SLC38A6: variants seen among roughly 807,000 people sequenced by gnomAD.
The protein encoded by SLC38A6 is N system amino acid transporter NAT-1.
Under a neutral mutation model 65.0 loss-of-function variants are expected in SLC38A6, and 73 were observed. That is an observed-to-expected ratio of 1.12 (90% CI 0.93 to 1.37). SLC38A6 has a LOEUF of 1.37. Among genes scored for constraint, SLC38A6 ranks in the 40% most tolerant of loss-of-function variants. The probability of loss-of-function intolerance (pLI) is 0.00; values close to 1 mark genes in which losing one functional copy is unlikely to be tolerated. For missense variants in SLC38A6, 561 were observed against 531.1 expected, an observed-to-expected ratio of 1.06 and a Z score of -0.55; for synonymous variants, 183 against 178.8, an observed-to-expected ratio of 1.02 and a Z score of -0.19.
chr14:61,083,474 T>C, intron 16 of SLC38A6: 2 of 1,490,116 alleles, frequency 1.3e-6, no homozygotes. Flanking sequence ...TATTTGGAGA[T>C]AGGGTCTTTA....
chr14:61,002,760 A>G (rs891681299), intron 3 of SLC38A6, among the ~76,000 whole-genome samples: 1 of 152,202 alleles, frequency 6.6e-6, no homozygotes, highest in Non-Finnish European at 1.5e-5. Flanking sequence ...CACAAAACGT[A>G]GCATTGATTT....
In SLC38A6 at chr14:60,995,743, C is replaced by A. The variant is rs80171803; in HGVS notation, c.310+10940C>A. 7.1e-3 allele frequency among the ~76,000 whole-genome samples: 1,077 copies of A among 152,186 alleles called. 12 individuals are homozygous for A. The highest frequency in any genetic ancestry group is 0.025 in the African/African-American group (1,027 of 41,494). On this transcript the variant is annotated intron_variant, in intron 3 of 15. Coordinates refer to ENST00000267488, the MANE Select transcript of SLC38A6 (RefSeq NM_153811.3). ...GTGTATATCAAAACATCATGTTGTACACCTTAAATGTATATAATAAAACAA... is the reference window on the plus strand; with the variant it reads ...GTGTATATCAAAACATCATGTTGTAAACCTTAAATGTATATAATAAAACAA...
intron 6 of SLC38A6, among the ~76,000 whole-genome samples, chr14:61,035,885 A>C (rs1226186570): frequency 2.6e-4 from 39 of 152,130 alleles, no homozygotes; most frequent in Non-Finnish European, 8.8e-5. Context: ...AAAAATATCT[A>C]CTTTTTGGTA....
intron 15 of SLC38A6, among the ~76,000 whole-genome samples, chr14:61,060,896 C>T (rs992349663): frequency 3.5e-5 from 5 of 142,048 alleles, no homozygotes; most frequent in East Asian, 2.1e-4. Context: ...CAGGTGCGTC[C>T]GTCACCCCTT....
chr14:61,010,191 T>G (rs2039448545), intron 3 of SLC38A6, among the ~76,000 whole-genome samples: 1 of 152,206 alleles, frequency 6.6e-6, no homozygotes, highest in Non-Finnish European at 1.5e-5. Context: ...TTTTGAGAAG[T>G]GTCTGTTCAT....
intron 11 of SLC38A6, 39 bp downstream of exon 11, chr14:61,045,464 A>G (rs772783814): frequency 6.8e-7 from 1 of 1,462,894 alleles, no homozygotes; most frequent in Non-Finnish European, 9.5e-7. Context: ...TATATTGTGT[A>G]TCTTTTTACC....
chr14:61,001,021 G>A (rs2038674118), intron 3 of SLC38A6, among the ~76,000 whole-genome samples: 1 of 152,192 alleles, frequency 6.6e-6, no homozygotes, highest in African/African-American at 2.4e-5. Flanking sequence ...GTTAAACTAA[G>A]TGGGCTGATC....
intron 3 of SLC38A6, among the ~76,000 whole-genome samples, chr14:61,007,074 C>CA (rs1157093680): frequency 6.6e-6 from 1 of 151,954 alleles, no homozygotes; most frequent in Non-Finnish European, 1.5e-5. Flanking sequence ...ATCCCAAGGA[C>CA]AAAAAACCAA....
chr14:61,080,435 CCTT>C (rs1380470069), intron 16 of SLC38A6, among the ~76,000 whole-genome samples: 8 of 152,188 alleles, frequency 5.3e-5, no homozygotes, highest in Non-Finnish European at 8.8e-5. Context: ...CTGACTCTCT[CCTT>C]TGGAAATTGT....
At chr14:61,018,424 C>T (rs1439609804) in intron 4 of SLC38A6, among the ~76,000 whole-genome samples, 1 of 152,198 alleles carries the variant, frequency 6.6e-6, no homozygotes, top group Non-Finnish European at 1.5e-5. Flanking sequence ...ATTAGCCCTC[C>T]TCTGCAAACC....
intron 3 of SLC38A6, among the ~76,000 whole-genome samples, chr14:61,014,437 T>C (rs2039836774): frequency 6.6e-6 from 1 of 152,232 alleles, no homozygotes; most frequent in Non-Finnish European, 1.5e-5. Context: ...GGAGCTGCTT[T>C]CCTTTGGAGG....
At chr14:60,986,072 A>G (rs982440488) in intron 3 of SLC38A6, among the ~76,000 whole-genome samples, 3 of 152,362 alleles carry the variant, frequency 2.0e-5, no homozygotes, top group Admixed American at 1.3e-4. Context: ...TCTGATTTCA[A>G]CATGAGATTT....
intron 8 of SLC38A6, among the ~76,000 whole-genome samples, chr14:61,040,748 C>T (rs2041750430): frequency 6.6e-6 from 1 of 152,152 alleles, no homozygotes; most frequent in Non-Finnish European, 1.5e-5. Flanking sequence ...TCCCAAAGTG[C>T]TGAGATTATA....
intron 15 of SLC38A6, among the ~76,000 whole-genome samples, chr14:61,062,833 A>G (rs8007952): frequency 0.92 from 140,408 of 152,196 alleles, 65,253 homozygotes; most frequent in Non-Finnish European, 0.99. Flanking sequence ...GGCGCACGCC[A>G]CCACACCCAG....
chr14:61,018,542 A>G (rs988466729), intron 4 of SLC38A6, among the ~76,000 whole-genome samples: 2 of 152,188 alleles, frequency 1.3e-5, no homozygotes, highest in African/African-American at 4.8e-5. Context: ...TCTGTTCCCA[A>G]TTCATGTAGA....
chr14:61,079,839 C>G (rs557221258), intron 16 of SLC38A6, among the ~76,000 whole-genome samples: 7 of 152,056 alleles, frequency 4.6e-5, no homozygotes, highest in Admixed American at 2.0e-4. Flanking sequence ...CCCTGAACAA[C>G]GAAGGATTTC....
intron 5 of SLC38A6, 111 bp from the exon 6 acceptor site, chr14:61,030,334 C>T (rs2040894576): frequency 1.6e-6 from 1 of 643,176 alleles, no homozygotes; most frequent in African/African-American, 1.9e-5. Context: ...ATATGTTAAT[C>T]TTCCATATGT....
intron 15 of SLC38A6, among the ~76,000 whole-genome samples, chr14:61,066,873 A>G (rs190409522): frequency 3.3e-5 from 5 of 152,314 alleles, no homozygotes; most frequent in Admixed American, 3.3e-4. Flanking sequence ...ATCAGTGGAC[A>G]GATACACAAC....
chr14:61,062,486 C>T (rs1594773553), intron 15 of SLC38A6, among the ~76,000 whole-genome samples: 1 of 150,522 alleles, frequency 6.6e-6, no homozygotes, highest in Admixed American at 6.6e-5. Context: ...TTTAGCTCAA[C>T]TCTCTTTTGC....
Sources: allele counts gnomAD v4.1 joint callset (sites outside exome capture counted in the v4.1 genomes callset), GRCh38; gene constraint gnomAD v4.1.1; transcripts MANE v1.5; gene names NCBI Gene and HGNC (gene_info 2026-07-23, HGNC 2026-07-21).